Variants in ATP6V1B1 observed in about 807,000 individuals in gnomAD.
The protein encoded by ATP6V1B1 is V-type proton ATPase subunit B, kidney isoform.
A neutral mutation model predicts 62.1 loss-of-function variants in ATP6V1B1; 41 were observed. That is an observed-to-expected ratio of 0.66 (90% CI 0.51 to 0.86). The LOEUF is 0.86. ATP6V1B1 is among the 40% of genes least tolerant of loss of function. The pLI is 0.00. For missense variants in ATP6V1B1, 651 were observed against 697.5 expected (o/e 0.93, Z 0.75); for synonymous variants, 253 against 273.4 (o/e 0.93, Z 0.74).
chr2:70,958,206 C>T, intron 3 of ATP6V1B1, 62 bp downstream of exon 3: 1 of 1,593,266 alleles, frequency 6.3e-7, no homozygotes, highest in Non-Finnish European at 8.6e-7. Flanking sequence ...AAAGTTCCCA[C>T]ACTATCTACA....
At position 70,964,746 on chromosome 2, in the gene ATP6V1B1, A is replaced by G. The variant is rs781896152; in HGVS notation, c.1259A>G (p.Tyr420Cys). Residue 420 changes from tyrosine to cysteine, a missense_variant, in exon 13 of 14, where the codon TAT becomes TGT. Physicochemically the swap from Tyr to Cys is radical, Grantham distance 194. Transcript: ENST00000234396. ...TTGCCCCTCCCCCAGTACGCCTGCT[A>G]TGCCATCGGGAAGGACGTGCAGGCC... ...GDVSNQLYAC[Y>C]AIGKDVQAMK... The G allele has an allele frequency of 1.2e-6, 2 of 1,613,902 alleles. No homozygotes were observed. The highest frequency in any genetic ancestry group is 1.1e-5 in the South Asian group (1 of 91,082).
At chr2:70,945,967 G>A (rs1220692340) in intron 2 of ATP6V1B1, among the ~76,000 whole-genome samples, 1 of 151,562 alleles carries the variant, frequency 6.6e-6, no homozygotes, top group Non-Finnish European at 1.5e-5. Context: ...TGAGGTATTT[G>A]GTCAAGATCT....
chr2:70,958,446 A>C lies in ATP6V1B1; in HGVS notation c.367+20A>C. The C allele has an allele frequency of 6.7e-5, 53 of 790,202 alleles. No individual in the cohort carries two copies. The highest frequency in any genetic ancestry group is 8.9e-5 in the Non-Finnish European group (43 of 481,956). The allele number at this position is 790,202 out of a possible 1,614,324, so 48.9% of individuals were successfully genotyped here. On this transcript the variant is annotated intron_variant, in intron 4 of 13. Coordinates refer to ENST00000234396, the MANE Select transcript of ATP6V1B1 (RefSeq NM_001692.4). Reference sequence around the variant, plus strand: ...TGCTGGGTGAGGGACAGGGAGGGGCAGGGGTGGGGGTGCTCCTCTGCCCTC... The same window carrying C: ...TGCTGGGTGAGGGACAGGGAGGGGCCGGGGTGGGGGTGCTCCTCTGCCCTC...
At chr2:70,948,844 C>T (rs1257670269) in intron 2 of ATP6V1B1, among the ~76,000 whole-genome samples, 1 of 152,160 alleles carries the variant, frequency 6.6e-6, no homozygotes, top group African/African-American at 2.4e-5. Context: ...CAAACCTAGT[C>T]TCAAGTTCGA....
intron 2 of ATP6V1B1, among the ~76,000 whole-genome samples, chr2:70,944,668 C>CCT (rs71400964): frequency 7.7e-6 from 1 of 129,356 alleles, no homozygotes; most frequent in Non-Finnish European, 1.6e-5. Context: ...CAGGTCTTTT[C>CCT]TTTTTTTTTT....
At chr2:70,947,862 G>C (rs1553417642) in intron 2 of ATP6V1B1, among the ~76,000 whole-genome samples, 2 of 152,150 alleles carry the variant, frequency 1.3e-5, no homozygotes, top group African/African-American at 2.4e-5. Context: ...GATGGGATCA[G>C]GCCTGCTCAG....
chr2:70,965,097 C>T lies in ATP6V1B1; in HGVS notation c.1518C>T (p.Asp506=), dbSNP rs577915012. The T allele has an allele frequency of 1.5e-5, 24 of 1,612,030 alleles. No individual in the cohort carries two copies. In the African/African-American group the frequency reaches 2.9e-4, roughly 20 times the overall value. Residue 506 remains aspartate, a synonymous_variant, in exon 14 of 14, where the codon GAC becomes GAT. Coordinates refer to ENST00000234396, the MANE Select transcript of ATP6V1B1 (RefSeq NM_001692.4). The part of the protein sequence containing the change: ...EFYSREGALQ[D]LAPDTAL ...ATTCCCGCGAGGGGGCGCTGCAGGA[C>T]CTCGCGCCTGACACTGCGCTCTAGC... is the stretch of plus-strand genomic sequence containing the variant.
intron 1 of ATP6V1B1, chr2:70,938,734 C>T (rs1349570678): frequency 1.9e-5 from 19 of 985,348 alleles, no homozygotes; most frequent in Non-Finnish European, 2.0e-5. Flanking sequence ...CCTTGGCTCC[C>T]GGCTGGGGAG....
chr2:70,962,888 G>A lies in ATP6V1B1; in HGVS notation c.897G>A (p.Glu299=), dbSNP rs139183119. ...VILTDMSSYA[E]ALREVSAARE... ...TGACGGACATGAGTTCCTATGCAGA[G>A]GCCTTGCGGGAGGTAAGCTGGCTAG... Residue 299 remains glutamate, a synonymous_variant, in exon 9 of 14, where the codon GAG becomes GAA. Coordinates refer to ENST00000234396, the MANE Select transcript of ATP6V1B1 (RefSeq NM_001692.4). 1.2e-5 allele frequency: 20 copies of A among 1,614,076 alleles called. No homozygotes were observed. In the Middle Eastern group the frequency reaches 4.9e-4, roughly 40 times the overall value.
In ATP6V1B1 at chr2:70,964,716, A is replaced by G. The variant is rs781923987; in HGVS notation, c.1249-20A>G. ...CGTGGTAAGCCCGCAGCGGCCACCGACGCCTTGCCCCTCCCCCAGTACGCC... is the reference window on the plus strand; with the variant it reads ...CGTGGTAAGCCCGCAGCGGCCACCGGCGCCTTGCCCCTCCCCCAGTACGCC... On this transcript the variant is annotated intron_variant, in intron 12 of 13. Coordinates refer to ENST00000234396, the MANE Select transcript of ATP6V1B1 (RefSeq NM_001692.4). 3 of 1,613,036 alleles carry G rather than the reference A, an allele frequency of 1.9e-6. No homozygotes were observed. In the African/African-American group the frequency reaches 4.0e-5, roughly 22 times the overall value.
intron 1 of ATP6V1B1, among the ~76,000 whole-genome samples, chr2:70,943,086 G>T (rs944423782): frequency 2.6e-5 from 4 of 152,100 alleles, no homozygotes; most frequent in South Asian, 4.1e-4. Context: ...CCCCTCCCAT[G>T]CTGAGCACCC....
chr2:70,964,216 T>C (rs1465658604), intron 11 of ATP6V1B1: 1 of 511,226 alleles, frequency 2.0e-6, no homozygotes, highest in Non-Finnish European at 3.6e-6. Context: ...TTTTATTAAC[T>C]AATGCCATGT....
intron 2 of ATP6V1B1, among the ~76,000 whole-genome samples, chr2:70,945,563 A>G (rs1405231664): frequency 2.6e-5 from 4 of 151,840 alleles, no homozygotes; most frequent in Admixed American, 6.6e-5. Context: ...ATAATTGTAC[A>G]TATTCCTGAG....
Position 70,945,699 on chromosome 2 carries a change from GAGAT to G in ATP6V1B1, c.174+1988_174+1991del, listed in dbSNP as rs1450916197. Among the ~76,000 whole-genome samples, 553 of 70,096 alleles carry G rather than the reference GAGAT, an allele frequency of 7.9e-3. 36 individuals carry two copies. The highest frequency in any genetic ancestry group is 0.028 in the South Asian group (47 of 1,656). The allele number at this position is 70,096 out of a possible 152,430, so 46.0% of individuals were successfully genotyped here. A position where few individuals can be genotyped will look rare whatever the true frequency, so the allele number is the denominator to read the frequency against. On this transcript the variant is annotated intron_variant, in intron 2 of 13. Coordinates refer to ENST00000234396, the MANE Select transcript of ATP6V1B1 (RefSeq NM_001692.4). ...AGTATCCTCTTTCTGGCTATTTGAAGAGATATATATATATATATATATATATATA... is the reference window on the plus strand; with the variant it reads ...AGTATCCTCTTTCTGGCTATTTGAAGATATATATATATATATATATATATA...
At position 70,958,317 on chromosome 2, in the gene ATP6V1B1, C is replaced by T. The variant is rs1553419425; in HGVS notation, c.274-16C>T. ...AGCAGGCCCCTTAGTGGAGAAACTC[C>T]CTCTTGTTCCCACAGGTGTTTGAAG... On this transcript the variant is annotated splice_polypyrimidine_tract_variant and intron_variant, in intron 3 of 13. Coordinates refer to ENST00000234396, the MANE Select transcript of ATP6V1B1 (RefSeq NM_001692.4). 2.5e-6 allele frequency: 4 copies of T among 1,613,836 alleles called. No homozygotes were observed. The highest frequency in any genetic ancestry group is 2.7e-5 in the African/African-American group (2 of 74,922).
intron 2 of ATP6V1B1, among the ~76,000 whole-genome samples, chr2:70,946,108 G>A (rs782412183): frequency 2.6e-5 from 4 of 152,074 alleles, no homozygotes; most frequent in African/African-American, 4.8e-5. Flanking sequence ...GCTATAGTAG[G>A]TGCTCAGCAT....
At chr2:70,940,329 TCCCC>T in intron 1 of ATP6V1B1, 1 of 912,626 alleles carries the variant, frequency 1.1e-6, no homozygotes, top group Non-Finnish European at 1.3e-6. Context: ...TTGGGCCCCA[TCCCC>T]TCCCACACCC....
chr2:70,962,566 C>T (rs1202104492), intron 8 of ATP6V1B1, among the ~76,000 whole-genome samples: 2 of 152,194 alleles, frequency 1.3e-5, no homozygotes, highest in African/African-American at 4.8e-5. Context: ...CCTTTCCTAC[C>T]TTGGACAGTA....
intron 1 of ATP6V1B1, among the ~76,000 whole-genome samples, chr2:70,938,294 C>T (rs781884273): frequency 1.3e-5 from 2 of 151,986 alleles, no homozygotes; most frequent in African/African-American, 2.4e-5. Context: ...TGTGGACAGG[C>T]GCAGGGCTGG....
Sources: gnomAD v4.1 joint callset for allele counts (sites outside exome capture counted in the v4.1 genomes callset) on GRCh38, gnomAD v4.1.1 for gene constraint, MANE v1.5 for transcripts, NCBI Gene and HGNC (gene_info 2026-07-23, HGNC 2026-07-21) for gene names.